The following CDC25A variants were observed in gnomAD, a reference collection of about 807,000 sequenced individuals.
CDC25A encodes cell division cycle 25A.
CDC25A carries 17 observed loss-of-function variants against 64.6 expected under a neutral mutation model. The observed-to-expected ratio is 0.26, with a 90% confidence interval of 0.18 to 0.39. The LOEUF is 0.39. Among genes scored for constraint, CDC25A ranks in the 10% least tolerant of loss-of-function variants. The pLI, the probability that CDC25A is intolerant of heterozygous loss-of-function variation, is 1.00. For missense variants in CDC25A, 473 were observed against 654.8 expected (o/e 0.72, Z 3.03); for synonymous variants, 229 against 238.6 (o/e 0.96, Z 0.37).
At chr3:48,163,283 C>CAAAAAAAA (rs753999679) in intron 13 of CDC25A, among the ~76,000 whole-genome samples, 2 of 90,292 alleles carry the variant, frequency 2.2e-5, no homozygotes, top group Admixed American at 1.3e-4. Context: ...GCCTCCGCCT[C>CAAAAAAAA]AAAAAAAAAA....
chr3:48,188,076 G>A lies in CDC25A; in HGVS notation c.-129C>T, dbSNP rs888784707. The stretch of plus-strand genomic sequence containing the variant: ...GCGGGTCAAACACAAACACGACTCC[G>A]CGGTTCAGGGACGCGGCTGCCGCGG... On this transcript the variant is annotated 5_prime_UTR_variant, in exon 1 of 15. Coordinates refer to ENST00000302506, the MANE Select transcript of CDC25A (RefSeq NM_001789.3). 2.7e-6 allele frequency: 2 copies of A among 743,082 alleles called. No homozygotes were observed. Among genetic ancestry groups the A allele is most frequent in the Admixed American group, 4.5e-5 (1 of 22,098 alleles). The allele number at this position is 743,082 out of a possible 1,614,324, so 46.0% of individuals were successfully genotyped here. A position where few individuals can be genotyped will look rare whatever the true frequency, so the allele number is the denominator to read the frequency against.
At chr3:48,164,253 C>A in intron 13 of CDC25A, 54 bp downstream of exon 13, 2 of 1,457,434 alleles carry the variant, frequency 1.4e-6, no homozygotes, top group Non-Finnish European at 1.8e-6. Context: ...CACCATGTCC[C>A]ACAAAAGCAT....
intron 12 of CDC25A, among the ~76,000 whole-genome samples, 188 bp from the exon 13 acceptor site, chr3:48,164,625 C>T (rs2031924966): frequency 6.6e-6 from 1 of 152,066 alleles, no homozygotes; most frequent in Admixed American, 6.6e-5. Flanking sequence ...CTTTGTGGGT[C>T]CGTACACGTT....
intron 3 of CDC25A, 151 bp downstream of exon 3, chr3:48,184,502 A>T: frequency 1.5e-6 from 1 of 645,602 alleles, no homozygotes; most frequent in South Asian, 1.9e-5. Context: ...TTGCTGACAC[A>T]AACTATTCAT....
intron 4 of CDC25A, among the ~76,000 whole-genome samples, chr3:48,183,424 G>C (rs2032737116): frequency 6.6e-6 from 1 of 152,234 alleles, no homozygotes; most frequent in Admixed American, 6.5e-5. Context: ...GCTGGGAATA[G>C]TGGCTCTTGC....
At position 48,182,961 on chromosome 3, in the gene CDC25A, G is replaced by C; in HGVS notation, c.397C>G (p.Gln133Glu). The change falls in exon 5 of 15, where the codon CAG becomes GAG. Residue 133 changes from glutamine to glutamate, a missense_variant. Gln to Glu is a conservative substitution (Grantham distance 29). Coordinates refer to ENST00000302506, the MANE Select transcript of CDC25A (RefSeq NM_001789.3). ...HSDSLDHDIF[Q>E]LIDPDENKEN... ...TTGTTCTCATCTGGGTCGATGAGCT[G>C]AAAGATGTCATGGTCAAGAGAATCA... is the stretch of plus-strand genomic sequence containing the variant. The C allele has an allele frequency of 6.2e-7, 1 of 1,613,304 alleles. No individual in the cohort carries two copies. The highest frequency in any genetic ancestry group is 8.5e-7 in the Non-Finnish European group (1 of 1,179,224).
rs1241703167 is a variant in CDC25A at position 48,164,011 on chromosome 3, G to A, written c.1322+296C>T. Among the ~76,000 whole-genome samples the A allele has an allele frequency of 2.0e-5, 3 of 152,104 alleles. No homozygotes were observed. In the East Asian group the frequency reaches 5.8e-4, roughly 29 times the overall value. ...TGTTTCAAAGCATCATATCATATGA[G>A]GTTTTACAGAATGAGAACTTCACAC... On this transcript the variant is annotated intron_variant, in intron 13 of 14. Coordinates refer to ENST00000302506, the MANE Select transcript of CDC25A (RefSeq NM_001789.3).
intron 2 of CDC25A, among the ~76,000 whole-genome samples, chr3:48,186,298 G>A (rs936117938): frequency 2.0e-5 from 3 of 152,226 alleles, no homozygotes; most frequent in South Asian, 4.2e-4. Context: ...CACCGGGCGC[G>A]GTGGCTCACG....
chr3:48,165,654 G>A lies in CDC25A; in HGVS notation c.1173C>T (p.Tyr391=), dbSNP rs749468164. 2.3e-5 allele frequency: 37 copies of A among 1,612,592 alleles called. No homozygotes were observed. The South Asian group carries it at 3.6e-4, about 16-fold the overall frequency. ...VIIDCRYPYE[Y]EGGHIKGAVN... ...TCCATACCTTGATGTGGCCTCCCTC[G>A]TATTCATATGGGTATCGACAGTCGA... Residue 391 remains tyrosine, a synonymous_variant, in exon 12 of 15, where the codon TAC becomes TAT. Transcript: ENST00000302506.
intron 3 of CDC25A, 93 bp from the exon 4 acceptor site, chr3:48,183,929 G>A (rs1407217806): frequency 2.7e-6 from 2 of 753,600 alleles, no homozygotes; most frequent in Non-Finnish European, 4.5e-6. Context: ...GTAGCTTGGG[G>A]GTACAGTCAC....
intron 5 of CDC25A, among the ~76,000 whole-genome samples, chr3:48,181,915 G>T (rs1451501662): frequency 6.6e-6 from 1 of 152,128 alleles, no homozygotes; most frequent in Non-Finnish European, 1.5e-5. Flanking sequence ...CGATTTTACA[G>T]GTGAGAAAAC....
intron 6 of CDC25A, 106 bp downstream of exon 6, chr3:48,180,615 G>C: frequency 1.7e-6 from 2 of 1,184,094 alleles, no homozygotes; most frequent in Admixed American, 4.5e-5. Flanking sequence ...CAAAGTCAAG[G>C]TAAAAACAGC....
chr3:48,174,991 C>G (rs1192245184), intron 8 of CDC25A, among the ~76,000 whole-genome samples: 1 of 152,112 alleles, frequency 6.6e-6, no homozygotes, highest in African/African-American at 2.4e-5. Context: ...TGTTCAAAGT[C>G]TTTTTTTCTA....
intron 2 of CDC25A, 93 bp from the exon 3 acceptor site, chr3:48,184,788 A>G: frequency 1.1e-6 from 1 of 880,010 alleles, no homozygotes; most frequent in Non-Finnish European, 1.8e-6. Flanking sequence ...CTGGGTCTTT[A>G]TTTAAGTCAG....
rs560309143 is a variant in CDC25A, at chr3:48,177,311, C to T, written c.756+60G>A. The T allele has an allele frequency of 1.0e-5, 13 of 1,283,878 alleles. No homozygotes were observed. The South Asian group carries it at 1.3e-4, about 13-fold the overall frequency. The allele number at this position is 1,283,878 out of a possible 1,614,324, so 79.5% of individuals were successfully genotyped here. ...ATCTTTGGCTATACTCAACTAAGGA[C>T]TACTCTGTCCAGTGCCCCAATCACG... is the stretch of plus-strand genomic sequence containing the variant. On this transcript the variant is annotated intron_variant, in intron 8 of 14. Transcript: ENST00000302506.
At chr3:48,174,664 C>T in intron 8 of CDC25A, 1 of 493,986 alleles carries the variant, frequency 2.0e-6, no homozygotes, top group Non-Finnish European at 3.6e-6. Flanking sequence ...TGAATATATA[C>T]TCAGCTGACA....
intron 8 of CDC25A, among the ~76,000 whole-genome samples, chr3:48,176,957 G>A (rs2032486002): frequency 6.6e-6 from 1 of 151,118 alleles, no homozygotes; most frequent in Non-Finnish European, 1.5e-5. Flanking sequence ...GGCAACAAGA[G>A]CGAGACTCCG....
At position 48,168,620 on chromosome 3, in the gene CDC25A, C is replaced by CT. The variant is rs35535424; in HGVS notation, c.931-677dup. 4.7e-3 allele frequency among the ~76,000 whole-genome samples: 632 copies of CT among 135,420 alleles called. 1 individual carries two copies. The highest frequency in any genetic ancestry group is 8.1e-3 in the Admixed American group (106 of 13,128). The allele number at this position is 135,420 out of a possible 152,430, so 88.8% of individuals were successfully genotyped here. ...TAAGTTTAGAAAAAGTATGTCTTAA[C>CT]TTTTTTTTTTTTTTTTTTTTAAAAA... On this transcript the variant is annotated intron_variant, in intron 9 of 14. Transcript: ENST00000302506.
rs1361418259 is a variant in CDC25A at position 48,174,323 on chromosome 3, G to A, written c.891C>T (p.Ala297=). ...CTGGATTAGTTGACTCTTTGGGGCT[G>A]GCCCCAGACATGCTCTTCCTCCTCT... ...STKRRKSMSG[A]SPKESTNPEK... The change falls in exon 9 of 15, where the codon GCC becomes GCT. Residue 297 remains alanine (A), a synonymous_variant. Transcript: ENST00000302506. The A allele has an allele frequency of 3.7e-6, 6 of 1,614,034 alleles. No individual in the cohort carries two copies. The highest frequency in any genetic ancestry group is 1.3e-5 in the African/African-American group (1 of 74,940).
Sources: gnomAD v4.1 joint callset for allele counts (sites outside exome capture counted in the v4.1 genomes callset) on GRCh38, gnomAD v4.1.1 for gene constraint, MANE v1.5 for transcripts, NCBI Gene and HGNC (gene_info 2026-07-23, HGNC 2026-07-21) for gene names.